GRIP1: variants seen among roughly 807,000 people sequenced by gnomAD.
The protein encoded by GRIP1 is glutamate receptor interacting protein 1, also known as glutamate receptor-interacting protein 1.
Under a neutral mutation model 129.9 loss-of-function variants are expected in GRIP1, and 45 were observed. The ratio of observed to expected loss-of-function variants is 0.35; its 90% CI spans 0.27 to 0.44. GRIP1 has a LOEUF of 0.44. GRIP1 is among the 20% of genes least tolerant of loss of function. The pLI, the probability that GRIP1 is intolerant of heterozygous loss-of-function variation, is 1.00. For missense variants in GRIP1, 1,196 were observed against 1,396.8 expected, an observed-to-expected ratio of 0.86 and a Z score of 2.29; for synonymous variants, 530 against 520.8, an observed-to-expected ratio of 1.02 and a Z score of -0.24.
intron 14 of GRIP1, among the ~76,000 whole-genome samples, chr12:66,431,763 A>G (rs2058154963): frequency 6.6e-6 from 1 of 152,184 alleles, no homozygotes; most frequent in Non-Finnish European, 1.5e-5. Flanking sequence ...GGATATTAAA[A>G]GCCCCCCAAA....
chr12:66,399,051 G>A (rs1210444647), intron 16 of GRIP1, among the ~76,000 whole-genome samples: 1 of 151,962 alleles, frequency 6.6e-6, no homozygotes, highest in Admixed American at 6.5e-5. Flanking sequence ...CCCAGGCTGA[G>A]ATCTCCAGAA....
At chr12:66,784,476 T>C (rs921482940) in intron 1 of GRIP1, among the ~76,000 whole-genome samples, 2 of 152,184 alleles carry the variant, frequency 1.3e-5, no homozygotes, top group African/African-American at 4.8e-5. Flanking sequence ...TTAGTTAGCT[T>C]AACAGTTGGC....
chr12:66,910,896 C>T (rs2041018609), intron 1 of GRIP1, among the ~76,000 whole-genome samples: 1 of 152,114 alleles, frequency 6.6e-6, no homozygotes, highest in South Asian at 2.1e-4. Context: ...ACTGGATCTC[C>T]AGGTCAGACT....
chr12:66,450,303 C>CAAAAAA (rs143013040), intron 11 of GRIP1, among the ~76,000 whole-genome samples: 551 of 26,904 alleles, frequency 0.02, no homozygotes, highest in Non-Finnish European at 0.023. Flanking sequence ...GACTCCATCT[C>CAAAAAA]AAAAAAAAAA....
At chr12:66,777,516 C>T (rs2038020331) in intron 1 of GRIP1, among the ~76,000 whole-genome samples, 1 of 152,134 alleles carries the variant, frequency 6.6e-6, no homozygotes, top group Admixed American at 6.5e-5. Context: ...AACACACTTG[C>T]TATATAATTT....
At chr12:66,898,659 T>C (rs923769039) in intron 1 of GRIP1, among the ~76,000 whole-genome samples, 3 of 152,156 alleles carry the variant, frequency 2.0e-5, no homozygotes, top group African/African-American at 7.2e-5. Flanking sequence ...GAGAAAGAGA[T>C]TCTTAATTTT....
intron 1 of GRIP1, among the ~76,000 whole-genome samples, chr12:66,834,101 A>G (rs1023386718): frequency 2.8e-5 from 4 of 143,330 alleles, no homozygotes; most frequent in African/African-American, 7.7e-5. Flanking sequence ...TCGTTTGAAC[A>G]TGGGAGATGG....
intron 1 of GRIP1, among the ~76,000 whole-genome samples, chr12:67,050,669 C>T (rs1201711780): frequency 1.3e-5 from 2 of 151,878 alleles, no homozygotes; most frequent in African/African-American, 4.8e-5. Context: ...TTTTTCAAGT[C>T]CCAAATGTCA....
At chr12:66,666,075 A>G (rs985458757) in intron 1 of GRIP1, among the ~76,000 whole-genome samples, 4 of 152,204 alleles carry the variant, frequency 2.6e-5, no homozygotes, top group African/African-American at 9.6e-5. Context: ...AAAGCTAGTC[A>G]GGTATGTAAC....
At chr12:66,434,805 G>A (rs1363287060) in intron 13 of GRIP1, among the ~76,000 whole-genome samples, 2 of 152,204 alleles carry the variant, frequency 1.3e-5, no homozygotes, top group Non-Finnish European at 1.5e-5. Context: ...AAGTGGCCAG[G>A]TTTTGCCCAT....
chr12:66,706,273 T>C (rs1373703195), intron 1 of GRIP1, among the ~76,000 whole-genome samples: 1 of 152,100 alleles, frequency 6.6e-6, no homozygotes. Context: ...AAAGAAGACA[T>C]TTACATGGCC....
At chr12:66,445,253 A>G (rs1268583130) in intron 12 of GRIP1, 69 bp downstream of exon 12, 2 of 1,166,728 alleles carry the variant, frequency 1.7e-6, no homozygotes, top group Non-Finnish European at 2.6e-6. Context: ...ATAATTTACT[A>G]GCCATTCAAA....
chr12:67,032,785 A>G (rs2043041838), intron 1 of GRIP1, among the ~76,000 whole-genome samples: 1 of 152,186 alleles, frequency 6.6e-6, no homozygotes, highest in Admixed American at 6.6e-5. Flanking sequence ...TCACATCAAA[A>G]TATAATGAAA....
chr12:66,915,468 G>C lies in GRIP1; in HGVS notation c.58+153582C>G, dbSNP rs113457967. Among the ~76,000 whole-genome samples, 479 of 152,288 alleles carry C rather than the reference G, an allele frequency of 3.1e-3. 1 individual carries two copies. Among genetic ancestry groups the C allele is most frequent in the African/African-American group, 0.011 (457 of 41,566 alleles). ...CTAGCTTTAGAAAAGAAGAGTGTAT[G>C]GTGACAAAGGCGAGTGAGACGGAAA... is the stretch of plus-strand genomic sequence containing the variant. On this transcript the variant is annotated intron_variant, in intron 1 of 1. Transcript: ENST00000643019.
At chr12:66,701,295 T>G (rs1160140048) in intron 1 of GRIP1, among the ~76,000 whole-genome samples, 1 of 152,186 alleles carries the variant, frequency 6.6e-6, no homozygotes, top group Non-Finnish European at 1.5e-5. Flanking sequence ...TGCTTTTCCT[T>G]TGAGTAGCTC....
At chr12:66,522,107 C>A (rs2061033350) in intron 5 of GRIP1, among the ~76,000 whole-genome samples, 1 of 152,216 alleles carries the variant, frequency 6.6e-6, no homozygotes, top group Admixed American at 6.5e-5. Context: ...ACAGCAGTAA[C>A]CTCTGCAGAC....
intron 1 of GRIP1, among the ~76,000 whole-genome samples, chr12:66,800,337 A>T (rs2038822029): frequency 6.6e-6 from 1 of 152,128 alleles, no homozygotes; most frequent in Non-Finnish European, 1.5e-5. Flanking sequence ...GTTACCATGG[A>T]GGAGTCCCAC....
intron 1 of GRIP1, among the ~76,000 whole-genome samples, chr12:67,066,060 G>C (rs763061569): frequency 1.3e-5 from 2 of 152,200 alleles, no homozygotes; most frequent in Non-Finnish European, 2.9e-5. Flanking sequence ...GCGTACATGG[G>C]TGAGTCTTAA....
At chr12:66,555,311 T>C (rs1287445235) in intron 2 of GRIP1, among the ~76,000 whole-genome samples, 3 of 152,176 alleles carry the variant, frequency 2.0e-5, no homozygotes, top group Non-Finnish European at 1.5e-5. Context: ...AGATGATGCC[T>C]CTATGAGTCT....
Sources: allele counts gnomAD v4.1 joint callset (sites outside exome capture counted in the v4.1 genomes callset), GRCh38; gene constraint gnomAD v4.1.1; transcripts MANE v1.5; gene names NCBI Gene and HGNC (gene_info 2026-07-23, HGNC 2026-07-21).